CAPN2: variants seen among roughly 807,000 people sequenced by gnomAD.
CAPN2 encodes calpain-2 catalytic subunit.
In CAPN2, 92 loss-of-function variants were observed where a neutral mutation model predicts 102.3. That is an observed-to-expected ratio of 0.90 (90% CI 0.76 to 1.07). The LOEUF is 1.07. Ranked by LOEUF, CAPN2 falls within the 50% of genes least tolerant of loss-of-function variation. The pLI, the probability that CAPN2 is intolerant of heterozygous loss-of-function variation, is 0.00. For synonymous variants in CAPN2, 340 were observed against 355.4 expected, an observed-to-expected ratio of 0.96 and a Z score of 0.49; for missense variants, 800 against 909.4, an observed-to-expected ratio of 0.88 and a Z score of 1.55.
At chr1:223,704,231 C>T (rs764244015) in intron 1 of CAPN2, among the ~76,000 whole-genome samples, 11 of 152,088 alleles carry the variant, frequency 7.2e-5, no homozygotes, top group African/African-American at 2.7e-4. Flanking sequence ...GTAGAGGTCG[C>T]GGTGAGTCGA....
At position 223,772,182 on chromosome 1, in the gene CAPN2, G is replaced by C. The variant is rs544705050; in HGVS notation, c.2022G>C (p.Lys674Asn). 151 of 1,614,058 alleles carry C rather than the reference G, an allele frequency of 9.4e-5. 2 individuals are homozygous for C. In the South Asian group the frequency reaches 1.6e-3, roughly 17 times the overall value. The part of the protein sequence containing the change: ...RCLVRLETLF[K>N]IFKQLDPENT... ...CACCCTCTTTTTCTCCCTCCACAGA[G>C]ATATTTAAGCAGCTGGATCCCGAGA... The change falls in exon 20 of 21, where the codon AAG becomes AAC. Residue 674 changes from lysine to asparagine, a missense_variant and splice_region_variant. By Grantham distance (94) the Lys-to-Asn change is moderately conservative. Coordinates refer to ENST00000295006, the MANE Select transcript of CAPN2 (RefSeq NM_001748.5).
At chr1:223,769,038 C>T (rs1224788658) in intron 16 of CAPN2, among the ~76,000 whole-genome samples, 3 of 152,160 alleles carry the variant, frequency 2.0e-5, no homozygotes, top group African/African-American at 7.2e-5. Flanking sequence ...ATCCATTTCC[C>T]CCTTGTTTCC....
chr1:223,745,132 C>T (rs1010217178), intron 3 of CAPN2, among the ~76,000 whole-genome samples, 174 bp from the exon 4 acceptor site: 2 of 151,908 alleles, frequency 1.3e-5, no homozygotes, highest in Non-Finnish European at 2.9e-5. Flanking sequence ...TCTGTCTTCG[C>T]TTTTTTAGTG....
At chr1:223,703,738 T>C (rs1031398360) in intron 1 of CAPN2, among the ~76,000 whole-genome samples, 9 of 152,240 alleles carry the variant, frequency 5.9e-5, no homozygotes, top group Non-Finnish European at 1.5e-5. Context: ...AATAAGTCTC[T>C]TGCATGTCTA....
chr1:223,720,524 G>A (rs1204954162), intron 2 of CAPN2, among the ~76,000 whole-genome samples: 2 of 151,730 alleles, frequency 1.3e-5, no homozygotes, highest in Non-Finnish European at 1.5e-5. Context: ...GCCATGTTGC[G>A]CAGGCTGGTC....
intron 2 of CAPN2, among the ~76,000 whole-genome samples, chr1:223,721,408 CA>C (rs1660048580): frequency 6.6e-6 from 1 of 152,222 alleles, no homozygotes; most frequent in South Asian, 2.1e-4. Context: ...ACTGGGTCAC[CA>C]CTGAGCTTTC....
chr1:223,747,094 C>T lies in CAPN2; in HGVS notation c.658C>T (p.Pro220Ser). 1.2e-6 allele frequency: 2 copies of T among 1,613,968 alleles called. No individual in the cohort carries two copies. The highest frequency in any genetic ancestry group is 1.7e-6 in the Non-Finnish European group (2 of 1,179,924). The part of the protein sequence containing the change: ...GIAEWYELKK[P>S]PPNLFKIIQK... ...TGCTGAGTGGTATGAGTTGAAGAAGCCCCCTCCCAACCTGTTCAAGATCAT... is the reference window on the plus strand; with the variant it reads ...TGCTGAGTGGTATGAGTTGAAGAAGTCCCCTCCCAACCTGTTCAAGATCAT... The change falls in exon 5 of 21, where the codon CCC (proline) becomes TCC (serine). Residue 220 changes from proline (P) to serine (S), a missense_variant. Transcript: ENST00000295006.
At chr1:223,712,454 A>G (rs1659753394), upstream of CAPN2, 4 of 1,130,408 alleles carry the variant, frequency 3.5e-6, no homozygotes, top group South Asian at 1.3e-4. Context: ...CCGGGAGCCC[A>G]GCAGGCCGGG....
intron 1 of CAPN2, among the ~76,000 whole-genome samples, chr1:223,702,367 C>T (rs114276843): frequency 0.011 from 1,593 of 151,364 alleles, 23 homozygotes; most frequent in African/African-American, 0.036. Flanking sequence ...GTAGAGGTTG[C>T]GGTAAGCTGA....
Position 223,747,070 on chromosome 1 carries a change from G to T in CAPN2, c.634G>T (p.Ala212Ser), listed in dbSNP as rs765853769. ...CTTCGAAGACTTCACCGGAGGCATT[G>T]CTGAGTGGTATGAGTTGAAGAAGCC... ...EGFEDFTGGI[A>S]EWYELKKPPP... is the part of the protein sequence containing the mutation. Residue 212 changes from alanine (A) to serine (S), a missense_variant, in exon 5 of 21, where the codon GCT (alanine) becomes TCT (serine). By Grantham distance (99) the Ala-to-Ser change is moderately conservative. Transcript: ENST00000295006. 1 of 1,614,106 alleles carries T rather than the reference G, an allele frequency of 6.2e-7. No homozygotes were observed. Among genetic ancestry groups the T allele is most frequent in the Non-Finnish European group, 8.5e-7 (1 of 1,179,988 alleles).
intron 6 of CAPN2, 75 bp from the exon 7 acceptor site, chr1:223,750,815 G>A: frequency 7.3e-7 from 1 of 1,364,542 alleles, no homozygotes; most frequent in Non-Finnish European, 1.0e-6. Flanking sequence ...ATGCGGAAGG[G>A]GGTTGGAGGC....
intron 2 of CAPN2, among the ~76,000 whole-genome samples, chr1:223,741,811 C>T (rs149554149): frequency 0.01 from 1,518 of 148,248 alleles, 10 homozygotes; most frequent in Middle Eastern, 0.031. Context: ...GAGTCTCACT[C>T]TGTTGCCCAG....
intron 3 of CAPN2, among the ~76,000 whole-genome samples, chr1:223,744,973 AG>A (rs769195460): frequency 5.2e-4 from 79 of 151,644 alleles, no homozygotes; most frequent in Non-Finnish European, 2.2e-4. Context: ...TGCATCCAGG[AG>A]GCAGAGGTTG....
At chr1:223,711,665 C>T (rs1282988990), upstream of CAPN2, among the ~76,000 whole-genome samples, 4 of 152,206 alleles carry the variant, frequency 2.6e-5, no homozygotes, top group East Asian at 7.7e-4. Flanking sequence ...GGCTGGAGCG[C>T]AGTGGCGCGA....
At chr1:223,707,859 C>T (rs1460928161), upstream of CAPN2, among the ~76,000 whole-genome samples, 1 of 152,194 alleles carries the variant, frequency 6.6e-6, no homozygotes, top group Non-Finnish European at 1.5e-5. Context: ...AGGGAAATGA[C>T]CTCCACCTGC....
intron 2 of CAPN2, among the ~76,000 whole-genome samples, chr1:223,723,961 A>ACTCTTTGCCTGTTTGGGTGC (rs1172404114): frequency 1.3e-5 from 2 of 151,154 alleles, no homozygotes; most frequent in Non-Finnish European, 1.5e-5. Flanking sequence ...TCCAGGGGTG[A>ACTCTTTGCCTGTTTGGGTGC]CTCTTTGCCT....
At chr1:223,718,792 C>T (rs1571781784) in intron 2 of CAPN2, among the ~76,000 whole-genome samples, 1 of 152,230 alleles carries the variant, frequency 6.6e-6, no homozygotes, top group Non-Finnish European at 1.5e-5. Context: ...CTAATACCAG[C>T]TGATAACAGC....
At chr1:223,737,527 G>C (rs1228468950) in intron 2 of CAPN2, among the ~76,000 whole-genome samples, 1 of 152,096 alleles carries the variant, frequency 6.6e-6, no homozygotes, top group Non-Finnish European at 1.5e-5. Flanking sequence ...TCTGACACTT[G>C]TCCTTGCTCA....
At chr1:223,735,253 C>T (rs1660423900) in intron 2 of CAPN2, among the ~76,000 whole-genome samples, 3 of 152,260 alleles carry the variant, frequency 2.0e-5, no homozygotes, top group South Asian at 2.1e-4. Context: ...TCTGGCTGGG[C>T]GCAGTGGCTC....
Sources: allele counts gnomAD v4.1 joint callset (sites outside exome capture counted in the v4.1 genomes callset), GRCh38; gene constraint gnomAD v4.1.1; transcripts MANE v1.5; gene names NCBI Gene and HGNC (gene_info 2026-07-23, HGNC 2026-07-21).